GRIA1: variants seen among roughly 807,000 people sequenced by gnomAD.
GRIA1 encodes the protein glutamate receptor 1.
GRIA1 carries 31 observed loss-of-function variants against 99.2 expected under a neutral mutation model. The observed-to-expected ratio is 0.31, with a 90% CI of 0.23 to 0.42. The LOEUF is 0.42. Among genes scored for constraint, GRIA1 ranks in the 10% least tolerant of loss-of-function variants. The pLI, the probability that GRIA1 is intolerant of heterozygous loss-of-function variation, is 1.00. For missense variants in GRIA1, 782 were observed against 1,157.5 expected, an observed-to-expected ratio of 0.68 and a Z score of 4.71; for synonymous variants, 438 against 432.4, an observed-to-expected ratio of 1.01 and a Z score of -0.16.
chr5:153,586,907 A>C (rs1191866378), intron 2 of GRIA1, among the ~76,000 whole-genome samples: 1 of 152,210 alleles, frequency 6.6e-6, no homozygotes, highest in African/African-American at 2.4e-5. Flanking sequence ...CACTTGAGGC[A>C]CGTTTCCAGA....
chr5:153,672,423 T>C (rs1026075250), intron 5 of GRIA1, among the ~76,000 whole-genome samples: 2 of 152,056 alleles, frequency 1.3e-5, no homozygotes, highest in African/African-American at 4.8e-5. Flanking sequence ...GTTCTTTAGA[T>C]AAGAAGTCAG....
chr5:153,664,896 G>A (rs4958671), intron 5 of GRIA1, among the ~76,000 whole-genome samples: 42,921 of 152,110 alleles, frequency 0.28, 6,647 homozygotes, highest in Non-Finnish European at 0.34. Flanking sequence ...TTCATCAAAA[G>A]ATGGGCATGC....
intron 2 of GRIA1, among the ~76,000 whole-genome samples, chr5:153,549,062 G>C (rs1374931928): frequency 1.3e-5 from 2 of 152,168 alleles, no homozygotes; most frequent in Admixed American, 6.5e-5. Flanking sequence ...AAGCTCAGAA[G>C]TGAGATATTT....
At position 153,751,171 on chromosome 5, in the gene GRIA1, C is replaced by A. The variant is rs556189940; in HGVS notation, c.1824-13263C>A. Among the ~76,000 whole-genome samples, 3 of 152,330 alleles carry A rather than the reference C, an allele frequency of 2.0e-5. No homozygotes were observed. In the South Asian group the frequency reaches 6.2e-4, roughly 32 times the overall value. ...CCAAAGTCATACAACCAATAAGAAA[C>A]AAGGCAGGATGCCCTTCAGCTTCAT... On this transcript the variant is annotated intron_variant, in intron 11 of 15. Transcript: ENST00000285900.
At chr5:153,649,690 G>C (rs1268978103) in intron 3 of GRIA1, among the ~76,000 whole-genome samples, 2 of 152,066 alleles carry the variant, frequency 1.3e-5, no homozygotes, top group Admixed American at 1.3e-4. Context: ...TCAAACTCCT[G>C]ACCTCAGGTG....
chr5:153,682,415 C>T (rs1721849052), intron 7 of GRIA1, among the ~76,000 whole-genome samples: 1 of 152,196 alleles, frequency 6.6e-6, no homozygotes. Flanking sequence ...AGTCAGGCTT[C>T]TGAACCTTCT....
At chr5:153,578,901 C>G (rs908052155) in intron 2 of GRIA1, among the ~76,000 whole-genome samples, 10 of 152,014 alleles carry the variant, frequency 6.6e-5, no homozygotes, top group Admixed American at 2.6e-4. Flanking sequence ...GAGGGAGACT[C>G]CATCTCAAAA....
intron 12 of GRIA1, among the ~76,000 whole-genome samples, chr5:153,764,993 C>T (rs1004872721): frequency 6.6e-6 from 1 of 152,104 alleles, no homozygotes; most frequent in African/African-American, 2.4e-5. Flanking sequence ...ACAGCTGGAC[C>T]TGATGCTCTT....
At chr5:153,700,959 C>A (rs1758474349) in intron 10 of GRIA1, among the ~76,000 whole-genome samples, 1 of 152,142 alleles carries the variant, frequency 6.6e-6, no homozygotes, top group Non-Finnish European at 1.5e-5. Flanking sequence ...CCTTTACCAC[C>A]TCTCACTTTG....
intron 2 of GRIA1, among the ~76,000 whole-genome samples, chr5:153,497,885 A>T (rs560557855): frequency 6.6e-6 from 1 of 152,288 alleles, no homozygotes; most frequent in Admixed American, 6.5e-5. Context: ...TTAAAATGTA[A>T]TGTTGTAAGT....
chr5:153,776,408 T>G (rs1312839664), intron 13 of GRIA1, among the ~76,000 whole-genome samples: 1 of 151,970 alleles, frequency 6.6e-6, no homozygotes, highest in South Asian at 2.1e-4. Flanking sequence ...AAATACGGGA[T>G]TTACCTCCCA....
chr5:153,634,622 T>C (rs1009527068), intron 2 of GRIA1, among the ~76,000 whole-genome samples: 1 of 152,170 alleles, frequency 6.6e-6, no homozygotes, highest in Non-Finnish European at 1.5e-5. Context: ...AGTGCCCTTA[T>C]TGGCAGACTC....
At chr5:153,581,944 G>T (rs1033554675) in intron 2 of GRIA1, among the ~76,000 whole-genome samples, 2 of 152,068 alleles carry the variant, frequency 1.3e-5, no homozygotes, top group African/African-American at 4.8e-5. Context: ...TTTAAGTAGA[G>T]ATGGGGTTTC....
intron 2 of GRIA1, among the ~76,000 whole-genome samples, chr5:153,548,094 A>G (rs2113526596): frequency 6.6e-6 from 1 of 152,280 alleles, no homozygotes; most frequent in South Asian, 2.1e-4. Context: ...CTCCTGCTTG[A>G]GCAGGCTGAG....
chr5:153,551,001 A>G (rs1165645085), intron 2 of GRIA1, among the ~76,000 whole-genome samples: 1 of 148,696 alleles, frequency 6.7e-6, no homozygotes, highest in Non-Finnish European at 1.5e-5. Context: ...AGTGATGCTG[A>G]TATAGCTGGT....
chr5:153,704,526 A>C (rs1758752571), intron 10 of GRIA1, among the ~76,000 whole-genome samples: 1 of 152,250 alleles, frequency 6.6e-6, no homozygotes, highest in Non-Finnish European at 1.5e-5. Flanking sequence ...TATTTCTTGC[A>C]ACCTTTTTAT....
chr5:153,723,965 C>A (rs982217997), intron 11 of GRIA1, among the ~76,000 whole-genome samples: 3 of 152,192 alleles, frequency 2.0e-5, no homozygotes, highest in African/African-American at 2.4e-5. Flanking sequence ...TAACCCCTGA[C>A]CCCCAAGCAG....
chr5:153,704,985 A>T (rs901068970), intron 10 of GRIA1, among the ~76,000 whole-genome samples: 1 of 152,182 alleles, frequency 6.6e-6, no homozygotes, highest in African/African-American at 2.4e-5. Flanking sequence ...TATTGAGTTA[A>T]ATTGACCTTT....
At chr5:153,638,733 A>T (rs1753569938) in intron 2 of GRIA1, among the ~76,000 whole-genome samples, 2 of 152,262 alleles carry the variant, frequency 1.3e-5, no homozygotes, top group African/African-American at 4.8e-5. Context: ...TGTTCTTACA[A>T]ATTACAGAAC....
Sources: gnomAD v4.1 joint callset for allele counts (sites outside exome capture counted in the v4.1 genomes callset) on GRCh38, gnomAD v4.1.1 for gene constraint, MANE v1.5 for transcripts, NCBI Gene and HGNC (gene_info 2026-07-23, HGNC 2026-07-21) for gene names.